Variants in GGT1 observed in about 807,000 individuals in gnomAD.
GGT1 encodes the protein gamma-glutamyltransferase 1.
GGT1 carries 21 observed loss-of-function variants against 56.0 expected under a neutral mutation model. That is an observed-to-expected ratio of 0.38 (90% CI 0.27 to 0.54). The LOEUF (loss-of-function observed/expected upper bound fraction) is 0.54. GGT1 is among the 20% of genes least tolerant of loss of function. The probability of loss-of-function intolerance (pLI) is 0.82; values close to 1 mark genes in which losing one functional copy is unlikely to be tolerated. For synonymous variants in GGT1, 238 were observed against 342.6 expected (o/e 0.69, Z 3.37); for missense variants, 466 against 787.0 (o/e 0.59, Z 4.88).
chr22:24,594,114 G>A (rs568789116), upstream of GGT1, among the ~76,000 whole-genome samples: 11 of 152,284 alleles, frequency 7.2e-5, no homozygotes, highest in South Asian at 2.1e-4. Context: ...GGTGAGGTAC[G>A]GACCCACCCA....
chr22:24,586,024 G>T, the GGT1 span: 6 of 1,611,074 alleles, frequency 3.7e-6, no homozygotes, highest in Non-Finnish European at 5.1e-6. Flanking sequence ...GGAGTGAGGT[G>T]CGCTGGCTCA....
rs1178585766 is a variant in GGT1, at chr22:24,623,041, G to A, written c.734-66G>A. On this transcript the variant is annotated intron_variant, in intron 9 of 15. Transcript: ENST00000400382. ...GCCTGCCCCCAACACCACTGCTGCAGCTCCATCCTCCACGCAGTGGTGCAG... is the reference window on the plus strand; with the variant it reads ...GCCTGCCCCCAACACCACTGCTGCAACTCCATCCTCCACGCAGTGGTGCAG... 53 of 1,606,456 alleles carry A rather than the reference G, an allele frequency of 3.3e-5. No homozygotes were observed. In the East Asian group the frequency reaches 1.2e-3, roughly 36 times the overall value.
intron 2 of GGT1, among the ~76,000 whole-genome samples, chr22:24,608,823 A>AT (rs1442495754): frequency 6.6e-6 from 1 of 151,944 alleles, no homozygotes; most frequent in Non-Finnish European, 1.5e-5. Context: ...TGCCTGGCTA[A>AT]TTTTTTGTAT....
At position 24,605,818 on chromosome 22, in the gene GGT1, T is replaced by TATA. The variant is rs553590368; in HGVS notation, c.-428-2135_-428-2133dup. On this transcript the variant is annotated intron_variant, in intron 1 of 15. Coordinates refer to ENST00000400382, the MANE Select transcript of GGT1 (RefSeq NM_001288833.2). ...AATATATGATGTGTATTATATATTA[T>TATA]ATATTATATGATGTGTATTATATAT... 2.2e-3 allele frequency among the ~76,000 whole-genome samples: 122 copies of TATA among 56,694 alleles called. 1 individual carries two copies. In the African/African-American group the frequency reaches 0.022, roughly 10 times the overall value. 37.2% of individuals were successfully genotyped at this position (56,694 alleles called of 152,430 possible). A position where few individuals can be genotyped will look rare whatever the true frequency, so the allele number is the denominator to read the frequency against.
At position 24,597,016 on chromosome 22, in the gene GGT1, CTGTT is replaced by C. The variant is rs2045705176; in HGVS notation, c.-324+2131_-324+2134del. On this transcript the variant is annotated intron_variant, in intron 1 of 6. Transcript: ENST00000411974. ...TTTTTTTTTTTGAGACAGTCTCACT[CTGTT>C]AGCCCAGGCTGGAGTGCAATGGCAT... 2.1e-5 allele frequency among the ~76,000 whole-genome samples: 3 copies of C among 139,706 alleles called. No individual in the cohort carries two copies. The Admixed American group carries it at 2.3e-4, about 10-fold the overall frequency. 91.7% of individuals were successfully genotyped at this position (139,706 alleles called of 152,430 possible). A position where few individuals can be genotyped will look rare whatever the true frequency, so the allele number is the denominator to read the frequency against.
At chr22:24,613,285 G>C (rs1212318994) in intron 5 of GGT1, among the ~76,000 whole-genome samples, 4 of 151,904 alleles carry the variant, frequency 2.6e-5, no homozygotes, top group Non-Finnish European at 5.9e-5. Flanking sequence ...TATTGCCCAG[G>C]CTGGTCTTGA....
At chr22:24,616,315 A>C (rs1414736830) in intron 7 of GGT1, among the ~76,000 whole-genome samples, 3 of 151,392 alleles carry the variant, frequency 2.0e-5, no homozygotes, top group Non-Finnish European at 4.4e-5. Context: ...TCAGGAGGCT[A>C]AGGCAGGAGA....
At chr22:24,599,975 G>A (rs2045757155), upstream of GGT1, among the ~76,000 whole-genome samples, 1 of 152,218 alleles carries the variant, frequency 6.6e-6, no homozygotes, top group African/African-American at 2.4e-5. Flanking sequence ...CTGGAGATCA[G>A]GCTGTGGCAT....
In GGT1 at chr22:24,615,926, A is replaced by G. The variant is rs376661512; in HGVS notation, c.382+799A>G. The G allele has an allele frequency of 6.9e-4, 104 of 150,876 alleles. 1 individual carries two copies. In the South Asian group the frequency reaches 0.021, roughly 31 times the overall value. 9.3% of individuals were successfully genotyped at this position (150,876 alleles called of 1,614,324 possible). On this transcript the variant is annotated intron_variant, in intron 7 of 15. Coordinates refer to ENST00000400382, the MANE Select transcript of GGT1 (RefSeq NM_001288833.2). Reference sequence around the variant, plus strand: ...GGAGTTTGAGACCTGCCTGGGCAACATAGCAAGACTCCATCTCTACAAAAA... The same window carrying G: ...GGAGTTTGAGACCTGCCTGGGCAACGTAGCAAGACTCCATCTCTACAAAAA...
intron 1 of GGT1, among the ~76,000 whole-genome samples, chr22:24,605,909 T>TATGATGTGTATTATATATTATATAA (rs2046230086): frequency 1.2e-5 from 1 of 81,692 alleles, no homozygotes; most frequent in Non-Finnish European, 2.1e-5. Context: ...TTATATAATA[T>TATGATGTGTATTATATATTATATAA]TATATGATGT....
intron 11 of GGT1, among the ~76,000 whole-genome samples, chr22:24,626,213 C>T (rs1162284141): frequency 6.7e-6 from 1 of 149,230 alleles, no homozygotes; most frequent in Non-Finnish European, 1.5e-5. Context: ...AGGATGGTCT[C>T]GATCTCCTGA....
In GGT1 at chr22:24,620,326, A is replaced by T; in HGVS notation, c.383-2A>T. On this transcript the variant is annotated splice_acceptor_variant, in intron 7 of 15. Coordinates refer to ENST00000400382, the MANE Select transcript of GGT1 (RefSeq NM_001288833.2). LOFTEE classifies it high-confidence loss of function. This position sits in a 1 kb window ranked among gnomAD's most constrained non-coding sequence, Gnocchi z 5.6. ...TCACTAACTATGGCTCTCTCTCCCCAGGGGGGCTGTCGGTGGCGGTGCCTG... is the reference window on the plus strand; with the variant it reads ...TCACTAACTATGGCTCTCTCTCCCCTGGGGGGCTGTCGGTGGCGGTGCCTG... 6.2e-7 allele frequency: 1 copy of T among 1,611,412 alleles called. No individual in the cohort carries two copies. The highest frequency in any genetic ancestry group is 8.5e-7 in the Non-Finnish European group (1 of 1,179,684).
At chr22:24,611,539 CTATCATCTATCTATCTATCTATCTATCT>C (rs1438535387) in intron 5 of GGT1, among the ~76,000 whole-genome samples, 116 of 129,148 alleles carry the variant, frequency 9.0e-4, no homozygotes, top group East Asian at 3.0e-3. Context: ...ATCTATCTAT[CTATCATCTATCTATCTATCTATCTATCT>C]ATCTATCTAT....
chr22:24,587,391 C>T, the GGT1 span, among the ~76,000 whole-genome samples: 1 of 152,200 alleles, frequency 6.6e-6, no homozygotes, highest in African/African-American at 2.4e-5. Context: ...GAACAGAGCC[C>T]ACTAGGCAGA....
At chr22:24,587,291 C>T in the GGT1 span, among the ~76,000 whole-genome samples, 30 of 152,144 alleles carry the variant, frequency 2.0e-4, no homozygotes, top group Admixed American at 5.9e-4. Flanking sequence ...TGAGGGAGGG[C>T]TCCCCGTGTT....
intron 9 of GGT1, among the ~76,000 whole-genome samples, chr22:24,622,194 G>C (rs532097003): frequency 9.6e-6 from 1 of 103,640 alleles, no homozygotes; most frequent in African/African-American, 3.7e-5. Flanking sequence ...AAAAAATATT[G>C]AGAAACTACA....
the GGT1 span, chr22:24,585,775 C>T: frequency 8.9e-7 from 1 of 1,128,850 alleles, no homozygotes; most frequent in African/African-American, 1.6e-5. Context: ...TCAGGCTGAG[C>T]ATTTACACTG....
At chr22:24,598,370 G>A, upstream of GGT1, among the ~76,000 whole-genome samples, 1 of 148,614 alleles carries the variant, frequency 6.7e-6, no homozygotes, top group East Asian at 2.0e-4. Context: ...AACCCGAGGG[G>A]TGCAAGTTGC....
At chr22:24,626,905 T>C (rs1405673037) in intron 11 of GGT1, among the ~76,000 whole-genome samples, 1 of 149,978 alleles carries the variant, frequency 6.7e-6, no homozygotes, top group Non-Finnish European at 1.5e-5. Flanking sequence ...CACCAGCCTA[T>C]ACCACCTGCC....
Sources: allele counts gnomAD v4.1 joint callset (sites outside exome capture counted in the v4.1 genomes callset), GRCh38; gene constraint gnomAD v4.1.1; non-coding constraint Gnocchi (gnomAD v3.1); transcripts MANE v1.5; gene names NCBI Gene and HGNC (gene_info 2026-07-23, HGNC 2026-07-21).